SHROOM3: variants seen among roughly 807,000 people sequenced by gnomAD.
SHROOM3 encodes the protein shroom family member 3, also known as protein Shroom3.
In SHROOM3, 47 loss-of-function variants were observed where a neutral mutation model predicts 138.6. That is an observed-to-expected ratio of 0.34 (90% CI 0.27 to 0.43). The LOEUF (loss-of-function observed/expected upper bound fraction) is 0.43, where lower values mean the gene tolerates loss of function less well. Ranked by LOEUF, SHROOM3 falls within the 20% of genes least tolerant of loss-of-function variation. The pLI is 1.00. For missense variants in SHROOM3, 2,491 were observed against 2,596.5 expected (o/e 0.96, Z 0.88); for synonymous variants, 1,062 against 1,063.3 (o/e 1.00, Z 0.02).
At chr4:76,742,106 TTA>T (rs1255242464) in intron 5 of SHROOM3, 180 bp downstream of exon 5, 6 of 800,034 alleles carry the variant, frequency 7.5e-6, no homozygotes, top group Non-Finnish European at 1.0e-5. Context: ...CCTGGTTTCC[TTA>T]TAAAGATATA....
chr4:76,659,456 CAT>C (rs1335727662), intron 2 of SHROOM3, among the ~76,000 whole-genome samples: 2 of 152,212 alleles, frequency 1.3e-5, no homozygotes, highest in Non-Finnish European at 2.9e-5. Flanking sequence ...GGTTTAGAGC[CAT>C]ATGTTAGACA....
At chr4:76,612,171 T>G (rs1278207251) in intron 2 of SHROOM3, among the ~76,000 whole-genome samples, 1 of 152,174 alleles carries the variant, frequency 6.6e-6, no homozygotes, top group Non-Finnish European at 1.5e-5. Context: ...CAGTATCCAG[T>G]AATAATATTA....
At position 76,756,524 on chromosome 4, in the gene SHROOM3, G is replaced by T. The variant is rs1277162552; in HGVS notation, c.4785G>T (p.Gln1595His). The stretch of plus-strand genomic sequence containing the variant: ...GTGCAGCCCATGTGGTAGGTAGTCA[G>T]ACACTGGCTTCCAGACTCCAAACTT... ...MPGAAHVVGS[Q>H]TLASRLQTSI... Residue 1595 changes from glutamine to histidine, a missense_variant, in exon 8 of 11, where the codon CAG becomes CAT. Coordinates refer to ENST00000296043, the MANE Select transcript of SHROOM3 (RefSeq NM_020859.4). The T allele has an allele frequency of 1.2e-6, 2 of 1,613,568 alleles. No homozygotes were observed. Among genetic ancestry groups the T allele is most frequent in the Non-Finnish European group, 1.7e-6 (2 of 1,179,966 alleles).
At chr4:76,565,384 A>C (rs1380203552) in intron 2 of SHROOM3, among the ~76,000 whole-genome samples, 1 of 152,080 alleles carries the variant, frequency 6.6e-6, no homozygotes, top group Non-Finnish European at 1.5e-5. Flanking sequence ...GCTTAAAGCT[A>C]CTCCTTCTTA....
chr4:76,674,553 CCTTT>C (rs1718976003), intron 2 of SHROOM3, among the ~76,000 whole-genome samples: 3 of 130,866 alleles, frequency 2.3e-5, no homozygotes, highest in Non-Finnish European at 4.9e-5. Context: ...TTCCTTCCTT[CCTTT>C]TTTTTTTTTT....
intron 1 of SHROOM3, among the ~76,000 whole-genome samples, chr4:76,480,907 A>C (rs1731595154): frequency 6.6e-6 from 1 of 152,218 alleles, no homozygotes; most frequent in Non-Finnish European, 1.5e-5. Flanking sequence ...AAATTAAGGT[A>C]GAAATAATGA....
chr4:76,532,321 C>T (rs143118212), intron 1 of SHROOM3: 16 of 152,280 alleles, frequency 1.1e-4, no homozygotes, highest in African/African-American at 3.9e-4. Context: ...GCTGCTGAAG[C>T]GAGCACCAAG....
intron 2 of SHROOM3, among the ~76,000 whole-genome samples, chr4:76,616,575 A>G (rs1188610893): frequency 1.3e-5 from 2 of 152,220 alleles, no homozygotes; most frequent in East Asian, 3.9e-4. Context: ...TAAGCCAGTC[A>G]CAAAAAGACA....
chr4:76,768,892 C>G (rs762142602), intron 9 of SHROOM3, among the ~76,000 whole-genome samples: 7 of 152,084 alleles, frequency 4.6e-5, no homozygotes, highest in Admixed American at 6.5e-5. Context: ...CCATTAAAGC[C>G]AGAACTTAGA....
intron 1 of SHROOM3, among the ~76,000 whole-genome samples, chr4:76,538,528 G>T (rs1350184616): frequency 1.3e-5 from 2 of 152,144 alleles, no homozygotes; most frequent in African/African-American, 4.8e-5. Context: ...CACCAAGTCA[G>T]GAGTGACCTG....
Position 76,740,864 on chromosome 4 carries a change from G to A in SHROOM3, c.2691G>A (p.Glu897=), listed in dbSNP as rs764875807. 6.4e-7 allele frequency: 1 copy of A among 1,557,104 alleles called. No homozygotes were observed. The highest frequency in any genetic ancestry group is 8.7e-7 in the Non-Finnish European group (1 of 1,154,590). The change falls in exon 5 of 11, where the codon GAG becomes GAA. Residue 897 remains glutamate, a synonymous_variant. Transcript: ENST00000296043. This position sits in a 1 kb window ranked among gnomAD's most constrained non-coding sequence, Gnocchi z 4.0. The part of the protein sequence containing the change: ...RSQSTFQLSS[E]PEREPEWRDR... ...AGAGCACCTTCCAGCTCTCCAGCGA[G>A]CCAGAGAGGGAGCCCGAGTGGCGGG...
chr4:76,615,146 AT>A (rs1227036823), intron 2 of SHROOM3, among the ~76,000 whole-genome samples: 1 of 152,252 alleles, frequency 6.6e-6, no homozygotes, highest in African/African-American at 2.4e-5. Context: ...GTTCTAGCAC[AT>A]TTGAAGACAC....
At chr4:76,580,722 C>T (rs1248238524) in intron 2 of SHROOM3, among the ~76,000 whole-genome samples, 4 of 152,074 alleles carry the variant, frequency 2.6e-5, no homozygotes, top group African/African-American at 7.2e-5. Flanking sequence ...CACTGTACCC[C>T]GCCAACTTTG....
chr4:76,682,534 G>A (rs1719227355), intron 2 of SHROOM3, among the ~76,000 whole-genome samples: 1 of 152,022 alleles, frequency 6.6e-6, no homozygotes, highest in Non-Finnish European at 1.5e-5. Flanking sequence ...TGAAGTTAGG[G>A]TTGGACCTCA....
At chr4:76,624,799 T>C (rs1025511439) in intron 2 of SHROOM3, among the ~76,000 whole-genome samples, 3 of 152,200 alleles carry the variant, frequency 2.0e-5, no homozygotes, top group African/African-American at 7.2e-5. Flanking sequence ...ATATTGAACA[T>C]TGGAAAGATT....
chr4:76,574,559 G>A (rs547116262), intron 2 of SHROOM3, among the ~76,000 whole-genome samples: 21 of 152,086 alleles, frequency 1.4e-4, no homozygotes, highest in East Asian at 7.7e-4. Flanking sequence ...TAGACAGACC[G>A]GATACTCCCT....
intron 1 of SHROOM3, among the ~76,000 whole-genome samples, chr4:76,488,924 A>G (rs1377672427): frequency 6.6e-6 from 1 of 152,260 alleles, no homozygotes. Flanking sequence ...GTTCAAGGTC[A>G]CACAGCCACA....
chr4:76,442,617 G>C (rs184475573), intron 1 of SHROOM3, among the ~76,000 whole-genome samples: 19 of 152,096 alleles, frequency 1.2e-4, no homozygotes, highest in Admixed American at 3.3e-4. Context: ...CACCGTGTTA[G>C]CCAGGATGGT....
chr4:76,673,413 TGAA>T (rs939178424), intron 2 of SHROOM3, among the ~76,000 whole-genome samples: 44 of 152,138 alleles, frequency 2.9e-4, no homozygotes, highest in African/African-American at 9.1e-4. Context: ...TTTTTTTTTC[TGAA>T]GAAGATCCAC....
Sources: allele counts gnomAD v4.1 joint callset (sites outside exome capture counted in the v4.1 genomes callset), GRCh38; gene constraint gnomAD v4.1.1; non-coding constraint Gnocchi (gnomAD v3.1); transcripts MANE v1.5; gene names NCBI Gene and HGNC (gene_info 2026-07-23, HGNC 2026-07-21).